The following RXRA variants were observed in gnomAD, a reference collection of about 807,000 sequenced individuals.
RXRA encodes retinoid X receptor alpha, also known as retinoic acid receptor RXR-alpha.
Under a neutral mutation model 44.5 loss-of-function variants are expected in RXRA, and 5 were observed. The observed-to-expected ratio is 0.11, with a 90% CI of 0.06 to 0.24. The LOEUF (loss-of-function observed/expected upper bound fraction) is 0.24, where lower values mean the gene tolerates loss of function less well. RXRA is among the 10% of genes least tolerant of loss of function. The probability of loss-of-function intolerance (pLI) is 1.00; values close to 1 mark genes in which losing one functional copy is unlikely to be tolerated. For missense variants in RXRA, 412 were observed against 646.5 expected, an observed-to-expected ratio of 0.64 and a Z score of 3.93; for synonymous variants, 291 against 271.4, an observed-to-expected ratio of 1.07 and a Z score of -0.71.
intron 7 of RXRA, among the ~76,000 whole-genome samples, chr9:134,431,014 C>T (rs569481170): frequency 1.6e-4 from 24 of 152,366 alleles, no homozygotes; most frequent in Non-Finnish European, 2.6e-4. Context: ...TGTTCTCCAG[C>T]CTCCTTCAGA....
intron 1 of RXRA, among the ~76,000 whole-genome samples, chr9:134,391,843 C>T (rs943095778): frequency 3.9e-5 from 6 of 152,338 alleles, no homozygotes; most frequent in East Asian, 1.9e-4. Flanking sequence ...GCTCTTGTTC[C>T]GGGCTTGGAA....
rs1383801831 is a variant in RXRA at position 134,421,729 on chromosome 9, C to G, written c.834C>G (p.Thr278=). 6.3e-7 allele frequency: 1 copy of G among 1,588,526 alleles called. No homozygotes were observed. The highest frequency in any genetic ancestry group is 1.7e-5 in the Admixed American group (1 of 58,312). The part of the protein sequence containing the change: ...ICQAADKQLF[T]LVEWAKRIPH... ...AAGCAGCCGACAAACAGCTTTTCAC[C>G]CTGGTGGAGTGGGCCAAGCGGATCC... The change falls in exon 6 of 10, where the codon ACC becomes ACG. Residue 278 remains threonine (T), a synonymous_variant. Transcript: ENST00000481739.
intron 1 of RXRA, among the ~76,000 whole-genome samples, chr9:134,361,796 CG>C (rs990977471): frequency 6.6e-6 from 1 of 152,144 alleles, no homozygotes; most frequent in Non-Finnish European, 1.5e-5. Context: ...CAGAATGTTC[CG>C]GAACAGGGGC....
At chr9:134,327,165 C>T (rs1834929071) in intron 1 of RXRA, among the ~76,000 whole-genome samples, 1 of 152,088 alleles carries the variant, frequency 6.6e-6, no homozygotes, top group South Asian at 2.1e-4. Flanking sequence ...AGACTGGGAC[C>T]CTGTTATCCC....
chr9:134,334,054 G>C (rs1660181126), intron 1 of RXRA, among the ~76,000 whole-genome samples: 1 of 152,274 alleles, frequency 6.6e-6, no homozygotes, highest in South Asian at 2.1e-4. Flanking sequence ...CAAGCCTGCT[G>C]GGTCTGTGCC....
Position 134,426,005 on chromosome 9 carries a change from G to T in RXRA, c.911-3103G>T. On this transcript the variant is annotated intron_variant, in intron 6 of 9. Coordinates refer to ENST00000481739, the MANE Select transcript of RXRA (RefSeq NM_002957.6). This position sits in a 1 kb window ranked among gnomAD's most constrained non-coding sequence, Gnocchi z 4.6. ...CCTTGACTCTGTGCTGTTCCTTCCG[G>T]AAGCGCTGTCCAGGGGTCCTGCAAC... The T allele has an allele frequency of 1.0e-6, 1 of 985,168 alleles. No individual in the cohort carries two copies. The highest frequency in any genetic ancestry group is 1.2e-6 in the Non-Finnish European group (1 of 829,876). 61.0% of individuals were successfully genotyped at this position (985,168 alleles called of 1,614,324 possible).
intron 7 of RXRA, 26 bp from the exon 8 acceptor site, chr9:134,431,878 TG>T: frequency 1.3e-6 from 2 of 1,573,442 alleles, no homozygotes; most frequent in Non-Finnish European, 1.7e-6. Flanking sequence ...CTAACTGGGA[TG>T]GGGTGTCTGC....
intron 4 of RXRA, among the ~76,000 whole-genome samples, chr9:134,416,329 C>T (rs1365712008): frequency 6.6e-6 from 1 of 152,132 alleles, no homozygotes; most frequent in Admixed American, 6.5e-5. Flanking sequence ...AGCGCCCACC[C>T]CCAGGGCTGA....
chr9:134,333,319 C>T lies in RXRA; in HGVS notation c.28+6660C>T, dbSNP rs183934336. Among the ~76,000 whole-genome samples, 301 of 152,278 alleles carry T rather than the reference C, an allele frequency of 2.0e-3. 2 individuals are homozygous for T. Among genetic ancestry groups the T allele is most frequent in the African/African-American group, 6.8e-3 (281 of 41,564 alleles). On this transcript the variant is annotated intron_variant, in intron 1 of 9. Coordinates refer to ENST00000481739, the MANE Select transcript of RXRA (RefSeq NM_002957.6). ...CTGGGGTGAGGGATGCCGGGAAGCC[C>T]TTGGTCACAGTCCTACCTCTGGGGT...
intron 1 of RXRA, chr9:134,379,494 C>T (rs1830608002): frequency 3.0e-6 from 3 of 986,648 alleles, no homozygotes; most frequent in African/African-American, 3.5e-5. Flanking sequence ...AGTCGCTGCC[C>T]ATCACTGACC....
At position 134,410,709 on chromosome 9, in the gene RXRA, G is replaced by C. The variant is rs189660795; in HGVS notation, c.610+1590G>C. ...AGGCCCGAGGCGTGGCTGGAGCTGGGGGGGGAAGGCCTCGTGTGCAGCCTT... is the reference window on the plus strand; with the variant it reads ...AGGCCCGAGGCGTGGCTGGAGCTGGCGGGGGAAGGCCTCGTGTGCAGCCTT... On this transcript the variant is annotated intron_variant, in intron 4 of 9. Transcript: ENST00000481739. Among the ~76,000 whole-genome samples the C allele has an allele frequency of 2.5e-4, 38 of 152,308 alleles. No individual in the cohort carries two copies. The East Asian group carries it at 4.6e-3, about 19-fold the overall frequency.
At chr9:134,434,876 G>C (rs1321325580) in intron 9 of RXRA, among the ~76,000 whole-genome samples, 1 of 151,698 alleles carries the variant, frequency 6.6e-6, no homozygotes, top group East Asian at 1.9e-4. Flanking sequence ...AGGGGGTCGG[G>C]GGAGGTGGGG....
intron 3 of RXRA, 102 bp downstream of exon 3, chr9:134,408,401 C>T: frequency 7.7e-7 from 1 of 1,302,154 alleles, no homozygotes; most frequent in Non-Finnish European, 1.0e-6. Context: ...CCAAGCAGGA[C>T]CCAAGGCCAG....
At chr9:134,377,404 G>T (rs1327989863) in intron 1 of RXRA, among the ~76,000 whole-genome samples, 5 of 152,208 alleles carry the variant, frequency 3.3e-5, no homozygotes, top group Non-Finnish European at 7.3e-5. Context: ...CAGAGCATGG[G>T]AGGGGTCCCC....
intron 4 of RXRA, among the ~76,000 whole-genome samples, chr9:134,412,196 C>G (rs1831160595): frequency 6.6e-6 from 1 of 152,234 alleles, no homozygotes; most frequent in Non-Finnish European, 1.5e-5. Context: ...AGTTGGCCAA[C>G]ACTAGGTGCC....
intron 1 of RXRA, chr9:134,379,458 G>A (rs917717193): frequency 3.0e-6 from 3 of 987,138 alleles, no homozygotes; most frequent in Non-Finnish European, 3.6e-6. Context: ...CTGTGTCCGG[G>A]AAGTGGAGGA....
At chr9:134,376,549 G>A (rs1419380650) in intron 1 of RXRA, among the ~76,000 whole-genome samples, 10 of 13,736 alleles carry the variant, frequency 7.3e-4, no homozygotes, top group Non-Finnish European at 1.1e-3. Flanking sequence ...GGCCAGCTGC[G>A]TGGCCTCGGC....
At chr9:134,400,123 C>G (rs1404275264) in intron 1 of RXRA, among the ~76,000 whole-genome samples, 1 of 152,196 alleles carries the variant, frequency 6.6e-6, no homozygotes, top group Admixed American at 6.5e-5. Flanking sequence ...TTCCACGCTG[C>G]CGAGTGGTGG....
At chr9:134,353,928 G>A (rs1830252089) in intron 1 of RXRA, among the ~76,000 whole-genome samples, 1 of 152,232 alleles carries the variant, frequency 6.6e-6, no homozygotes, top group Admixed American at 6.5e-5. Flanking sequence ...CAAGGCTGGT[G>A]GTGATGGGAC....
Sources: allele counts gnomAD v4.1 joint callset (sites outside exome capture counted in the v4.1 genomes callset), GRCh38; gene constraint gnomAD v4.1.1; non-coding constraint Gnocchi (gnomAD v3.1); transcripts MANE v1.5; gene names NCBI Gene and HGNC (gene_info 2026-07-23, HGNC 2026-07-21).